Variants in CFAP210 observed in about 807,000 individuals in gnomAD.
CFAP210 encodes the protein cilia and flagella associated protein 210, also known as cilia- and flagella- associated protein 210.
At chr2:169,690,041 A>G in the CFAP210 span, among the ~76,000 whole-genome samples, 1 of 152,138 alleles carries the variant, frequency 6.6e-6, no homozygotes. Context: ...TATGTTGCCC[A>G]GGCTGGAGCG....
At chr2:169,680,903 A>G in the CFAP210 span, 8 of 898,088 alleles carry the variant, frequency 8.9e-6, no homozygotes, top group Non-Finnish European at 1.4e-5. Flanking sequence ...ATGCATTTTT[A>G]TGAAATTTTA....
the CFAP210 span, among the ~76,000 whole-genome samples, chr2:169,660,611 T>C: frequency 6.7e-6 from 1 of 149,520 alleles, no homozygotes; most frequent in Non-Finnish European, 1.5e-5. Context: ...TATATTTTTT[T>C]TTTTTTCTTT....
the CFAP210 span, among the ~76,000 whole-genome samples, chr2:169,691,788 G>T: frequency 1.3e-5 from 2 of 152,094 alleles, no homozygotes; most frequent in East Asian, 1.9e-4. Flanking sequence ...CATTCCTGCT[G>T]TTGTTGTTTG....
chr2:169,688,871 T>G, the CFAP210 span, among the ~76,000 whole-genome samples: 34 of 152,354 alleles, frequency 2.2e-4, no homozygotes, highest in African/African-American at 7.9e-4. Context: ...AGTTATCTTT[T>G]CAGCAATGCC....
chr2:169,681,358 A>G, the CFAP210 span: 3 of 788,498 alleles, frequency 3.8e-6, no homozygotes, highest in Admixed American at 4.2e-5. Context: ...TACTCTTGTT[A>G]TCCTAAGAAC....
At chr2:169,653,255 G>A in the CFAP210 span, among the ~76,000 whole-genome samples, 1 of 151,312 alleles carries the variant, frequency 6.6e-6, no homozygotes, top group Non-Finnish European at 1.5e-5. Flanking sequence ...AGCAAGTTAC[G>A]TGCTCTCTGG....
the CFAP210 span, among the ~76,000 whole-genome samples, chr2:169,685,821 A>T: frequency 6.6e-6 from 1 of 152,100 alleles, no homozygotes; most frequent in African/African-American, 2.4e-5. Flanking sequence ...GTCAAAATTC[A>T]TTATTTTGCA....
the CFAP210 span, among the ~76,000 whole-genome samples, chr2:169,668,406 G>C: frequency 0.027 from 4,158 of 152,274 alleles, 80 homozygotes; most frequent in East Asian, 0.11. Context: ...TCATTTGTTT[G>C]TTCACTAGAG....
the CFAP210 span, among the ~76,000 whole-genome samples, chr2:169,672,228 C>T: frequency 1.3e-5 from 2 of 152,082 alleles, no homozygotes; most frequent in Non-Finnish European, 2.9e-5. Flanking sequence ...ATGTTGTTTC[C>T]AACTACAGAT....
At chr2:169,663,499 C>T in the CFAP210 span, among the ~76,000 whole-genome samples, 2 of 152,104 alleles carry the variant, frequency 1.3e-5, no homozygotes, top group Non-Finnish European at 2.9e-5. Flanking sequence ...ATGTACCCAG[C>T]CAACCTTTCT....
chr2:169,678,376 G>C, the CFAP210 span, among the ~76,000 whole-genome samples: 1 of 136,466 alleles, frequency 7.3e-6, no homozygotes, highest in Non-Finnish European at 1.6e-5. Context: ...AAGAAAGAAA[G>C]AAATTAAGCC....
the CFAP210 span, chr2:169,694,327 T>C: frequency 4.3e-6 from 7 of 1,613,954 alleles, no homozygotes; most frequent in South Asian, 4.4e-5. Flanking sequence ...GAGGTGTCCA[T>C]GATGCTCCTA....
At chr2:169,667,474 T>C in the CFAP210 span, among the ~76,000 whole-genome samples, 74 of 152,158 alleles carry the variant, frequency 4.9e-4, no homozygotes, top group Non-Finnish European at 3.4e-4. Context: ...TGGTGAATCC[T>C]TTCCAGAAGG....
At chr2:169,653,433 T>G in the CFAP210 span, among the ~76,000 whole-genome samples, 1 of 152,002 alleles carries the variant, frequency 6.6e-6, no homozygotes, top group East Asian at 1.9e-4. Context: ...AAAGACTAAG[T>G]GAGATGTGAA....
At chr2:169,675,605 GC>G in the CFAP210 span, among the ~76,000 whole-genome samples, 1 of 152,082 alleles carries the variant, frequency 6.6e-6, no homozygotes, top group East Asian at 1.9e-4. Flanking sequence ...TGAGAAATCT[GC>G]CCCCATGATC....
At chr2:169,662,418 TTCC>T in the CFAP210 span, 1 of 1,589,900 alleles carries the variant, frequency 6.3e-7, no homozygotes, top group Non-Finnish European at 8.5e-7. Context: ...TTTCCTCTTC[TTCC>T]TCATGTTCCT....
At chr2:169,652,613 T>TA in the CFAP210 span, among the ~76,000 whole-genome samples, 5 of 151,844 alleles carry the variant, frequency 3.3e-5, no homozygotes, top group East Asian at 1.9e-4. Context: ...ACCTCATCTC[T>TA]AAAAAAAAGT....
At chr2:169,674,549 A>G in the CFAP210 span, 4 of 1,521,006 alleles carry the variant, frequency 2.6e-6, no homozygotes, top group Non-Finnish European at 2.6e-6. Flanking sequence ...CGAGAAAGGT[A>G]CAAAAAGGTA....
the CFAP210 span, among the ~76,000 whole-genome samples, chr2:169,689,808 G>A: frequency 6.6e-6 from 1 of 152,112 alleles, no homozygotes; most frequent in African/African-American, 2.4e-5. Context: ...ATCATAAATG[G>A]ATGTTAGATT....
Sources: gnomAD v4.1 joint callset for allele counts (sites outside exome capture counted in the v4.1 genomes callset) on GRCh38, gnomAD v4.1.1 for gene constraint, MANE v1.5 for transcripts, NCBI Gene and HGNC (gene_info 2026-07-23, HGNC 2026-07-21) for gene names.